Variants in COL4A4 observed in about 807,000 individuals in gnomAD.
COL4A4 encodes collagen type IV alpha 4 chain.
COL4A4 carries 105 observed loss-of-function variants against 192.9 expected under a neutral mutation model. That is an observed-to-expected ratio of 0.54 (90% CI 0.46 to 0.64). The LOEUF (loss-of-function observed/expected upper bound fraction) is 0.64, where lower values mean the gene tolerates loss of function less well. Among genes scored for constraint, COL4A4 ranks in the 30% least tolerant of loss-of-function variants. COL4A4 has a pLI of 0.00. For synonymous variants in COL4A4, 762 were observed against 769.9 expected (o/e 0.99, Z 0.17); for missense variants, 1,967 against 2,169.3 (o/e 0.91, Z 1.85).
intron 7 of COL4A4, 51 bp downstream of exon 7, chr2:227,118,594 C>G: frequency 7.4e-7 from 1 of 1,342,858 alleles, no homozygotes; most frequent in South Asian, 1.2e-5. Context: ...TGTTCCACCA[C>G]AGGGCCTGTT....
chr2:227,009,745 AGAGAG>A, intron 46 of COL4A4, among the ~76,000 whole-genome samples: 1 of 99,246 alleles, frequency 1.0e-5, no homozygotes, highest in Non-Finnish European at 2.0e-5. Flanking sequence ...AGAGAAGAGA[AGAGAG>A]AAGAGAAGAG....
intron 34 of COL4A4, among the ~76,000 whole-genome samples, chr2:227,049,566 C>A (rs958210555): frequency 4.6e-5 from 7 of 152,044 alleles, no homozygotes; most frequent in African/African-American, 1.5e-4. Context: ...TAATAAAAAA[C>A]CCAATTGTAA....
intron 37 of COL4A4, among the ~76,000 whole-genome samples, chr2:227,036,072 A>T (rs919687573): frequency 6.6e-6 from 1 of 152,222 alleles, no homozygotes; most frequent in African/African-American, 2.4e-5. Flanking sequence ...TACAGTGCAG[A>T]TGAGAGGCAA....
At chr2:226,975,759 T>C in the COL4A4 span, among the ~76,000 whole-genome samples, 4 of 152,186 alleles carry the variant, frequency 2.6e-5, no homozygotes, top group Admixed American at 2.0e-4. Flanking sequence ...TACTGACATA[T>C]TAAAAGTTAT....
chr2:227,104,116 A>G, intron 12 of COL4A4, 64 bp from the exon 13 acceptor site: 1 of 1,412,410 alleles, frequency 7.1e-7, no homozygotes, highest in Non-Finnish European at 9.9e-7. Context: ...GTTTTCACCC[A>G]TGTATTGTGG....
At chr2:227,152,052 C>A (rs1345441924) in intron 1 of COL4A4, among the ~76,000 whole-genome samples, 2 of 152,208 alleles carry the variant, frequency 1.3e-5, no homozygotes, top group Non-Finnish European at 2.9e-5. Context: ...GACAAGTCCT[C>A]CCTCCATTAT....
chr2:227,011,516 C>T (rs760835393), intron 45 of COL4A4, among the ~76,000 whole-genome samples: 2 of 152,334 alleles, frequency 1.3e-5, no homozygotes, highest in South Asian at 2.1e-4. Context: ...TTCGTTTCTA[C>T]TCACTACTAA....
At chr2:227,159,206 T>C (rs2064605421) in intron 1 of COL4A4, among the ~76,000 whole-genome samples, 3 of 152,202 alleles carry the variant, frequency 2.0e-5, no homozygotes, top group Admixed American at 1.3e-4. Context: ...AGAAGCCAGA[T>C]GTAAGATAGT....
At chr2:227,065,197 C>T (rs536910820) in intron 25 of COL4A4, among the ~76,000 whole-genome samples, 2 of 152,338 alleles carry the variant, frequency 1.3e-5, no homozygotes, top group African/African-American at 4.8e-5. Flanking sequence ...AAAAACGGCG[C>T]ACCAGGAGAT....
chr2:227,090,581 C>CA (rs1461633248), intron 20 of COL4A4, among the ~76,000 whole-genome samples: 1 of 151,626 alleles, frequency 6.6e-6, no homozygotes, highest in African/African-American at 2.4e-5. Flanking sequence ...AAACCCCCCC[C>CA]ATCTCTGCAA....
intron 4 of COL4A4, 111 bp from the exon 5 acceptor site, chr2:227,121,259 A>G (rs1213459238): frequency 8.1e-7 from 1 of 1,235,674 alleles, no homozygotes; most frequent in East Asian, 2.6e-5. Flanking sequence ...GATTTGCACA[A>G]CTCTAATAAT....
intron 7 of COL4A4, 81 bp from the exon 8 acceptor site, chr2:227,114,777 C>T (rs2061402569): frequency 2.7e-6 from 3 of 1,127,778 alleles, no homozygotes; most frequent in Non-Finnish European, 4.0e-6. Context: ...TAAAATATAA[C>T]TCATCAGTTA....
chr2:226,982,635 A>G, the COL4A4 span, among the ~76,000 whole-genome samples: 21 of 152,216 alleles, frequency 1.4e-4, no homozygotes, highest in African/African-American at 4.6e-4. Context: ...ATTGTGTTCC[A>G]AAGTATATGA....
chr2:227,054,798 G>A (rs1974933818), intron 30 of COL4A4, 61 bp from the exon 31 acceptor site: 1 of 1,529,122 alleles, frequency 6.5e-7, no homozygotes, highest in Non-Finnish European at 8.9e-7. Flanking sequence ...ATTTTTTCAG[G>A]GGTGGGAGGT....
chr2:227,114,654 T>C lies in COL4A4; in HGVS notation c.532A>G (p.Ile178Val). The C allele has an allele frequency of 6.2e-7, 1 of 1,614,112 alleles. No homozygotes were observed. The highest frequency in any genetic ancestry group is 8.5e-7 in the Non-Finnish European group (1 of 1,179,942). ...TGAATACCTTTAACGGCACCTAAAA[T>C]GAACACTGAATTTCCTTTTTCTCCC... ...EKGEKGNSVF[I>V]LGAVKGIQGD... Residue 178 changes from isoleucine (I) to valine (V), a missense_variant, in exon 8 of 48, where the codon ATT becomes GTT. Coordinates refer to ENST00000396625, the MANE Select transcript of COL4A4 (RefSeq NM_000092.5).
At chr2:227,089,610 C>CATATAT (rs1488061427) in intron 21 of COL4A4, among the ~76,000 whole-genome samples, 7 of 112,046 alleles carry the variant, frequency 6.2e-5, no homozygotes, top group Non-Finnish European at 1.2e-4. Flanking sequence ...TATATATATA[C>CATATAT]ATACATATAT....
At chr2:227,071,453 G>A (rs559584832) in intron 25 of COL4A4, among the ~76,000 whole-genome samples, 2 of 152,200 alleles carry the variant, frequency 1.3e-5, no homozygotes, top group African/African-American at 4.8e-5. Flanking sequence ...ATAATAGTGG[G>A]AGACTTCAAT....
chr2:227,065,479 G>T (rs1321861863), intron 25 of COL4A4, among the ~76,000 whole-genome samples: 1 of 152,204 alleles, frequency 6.6e-6, no homozygotes, highest in Non-Finnish European at 1.5e-5. Context: ...AAATGTCCCT[G>T]TCTGACAGCT....
At chr2:227,010,154 T>G (rs541192650) in intron 46 of COL4A4, among the ~76,000 whole-genome samples, 159 bp downstream of exon 46, 8 of 152,214 alleles carry the variant, frequency 5.3e-5, no homozygotes, top group African/African-American at 9.7e-5. Context: ...ATCATAAGTT[T>G]AAAGGATTAG....
Sources: gnomAD v4.1 joint callset for allele counts (sites outside exome capture counted in the v4.1 genomes callset) on GRCh38, gnomAD v4.1.1 for gene constraint, MANE v1.5 for transcripts, NCBI Gene and HGNC (gene_info 2026-07-23, HGNC 2026-07-21) for gene names.